The following SLC12A2 variants were observed in gnomAD, a reference collection of about 807,000 sequenced individuals.
SLC12A2 encodes Na-K-2Cl cotransporter 1.
Under a neutral mutation model 136.3 loss-of-function variants are expected in SLC12A2, and 67 were observed. The observed-to-expected ratio is 0.49, with a 90% CI of 0.40 to 0.60. The LOEUF (loss-of-function observed/expected upper bound fraction) is 0.60, where lower values mean the gene tolerates loss of function less well. Ranked by LOEUF, SLC12A2 falls within the 20% of genes least tolerant of loss-of-function variation. The pLI is 0.00. For missense variants in SLC12A2, 1,322 were observed against 1,534.7 expected (o/e 0.86, Z 2.32); for synonymous variants, 619 against 562.9 (o/e 1.10, Z -1.41).
At chr5:128,126,962 AT>A (rs1761822570) in intron 4 of SLC12A2, among the ~76,000 whole-genome samples, 1 of 23,326 alleles carries the variant, frequency 4.3e-5, no homozygotes, top group African/African-American at 3.0e-4. Context: ...ATATATATAT[AT>A]ATATTTTTTT....
intron 1 of SLC12A2, chr5:128,110,908 T>G (rs1761119186): frequency 3.9e-6 from 4 of 1,014,592 alleles, no homozygotes; most frequent in Non-Finnish European, 6.3e-6. Flanking sequence ...GCCGCAAATC[T>G]GAGAGGGCAT....
intron 19 of SLC12A2, among the ~76,000 whole-genome samples, chr5:128,174,258 A>G (rs1763472586): frequency 6.6e-6 from 1 of 152,122 alleles, no homozygotes; most frequent in Non-Finnish European, 1.5e-5. Flanking sequence ...CCAGTTGAGC[A>G]TCTCTGATCC....
intron 1 of SLC12A2, among the ~76,000 whole-genome samples, chr5:128,091,907 A>G (rs573602939): frequency 6.6e-6 from 1 of 152,326 alleles, no homozygotes; most frequent in South Asian, 2.1e-4. Flanking sequence ...TAGGTTCAGA[A>G]TTCTGGAAAC....
chr5:128,118,141 A>C (rs866923445), intron 4 of SLC12A2, among the ~76,000 whole-genome samples: 1 of 152,358 alleles, frequency 6.6e-6, no homozygotes, highest in South Asian at 2.1e-4. Context: ...TAATATAACC[A>C]CTATGTAAAA....
At position 128,110,346 on chromosome 5, in the gene SLC12A2, A is replaced by G. The variant is rs1316934924; in HGVS notation, c.757-2468A>G. 7.4e-6 allele frequency: 7 copies of G among 944,446 alleles called. No homozygotes were observed. In the East Asian group the frequency reaches 1.2e-4, roughly 16 times the overall value. 58.5% of individuals were successfully genotyped at this position (944,446 alleles called of 1,614,324 possible). A position where few individuals can be genotyped will look rare whatever the true frequency, so the allele number is the denominator to read the frequency against. ...AACCATGGGCTGGGTAAGTCTGGAT[A>G]TGATGTCTGTGCAAGCTAACACGGG... On this transcript the variant is annotated intron_variant, in intron 1 of 26. Transcript: ENST00000262461.
intron 21 of SLC12A2, among the ~76,000 whole-genome samples, chr5:128,178,033 C>T (rs994379406): frequency 1.3e-5 from 2 of 152,100 alleles, no homozygotes; most frequent in African/African-American, 4.8e-5. Flanking sequence ...AATGAGAAGT[C>T]TTTCCTTAGA....
intron 10 of SLC12A2, among the ~76,000 whole-genome samples, chr5:128,143,637 C>T (rs892071433): frequency 2.0e-4 from 30 of 151,652 alleles, no homozygotes; most frequent in Admixed American, 5.9e-4. Flanking sequence ...TTTGTTAAGT[C>T]CTAGGATGGT....
intron 10 of SLC12A2, 44 bp downstream of exon 10, chr5:128,142,025 AG>A (rs1193649502): frequency 6.6e-7 from 1 of 1,524,872 alleles, no homozygotes; most frequent in East Asian, 2.3e-5. Flanking sequence ...GTATTTATCT[AG>A]GGGTGAGACT....
Position 128,171,741 on chromosome 5 carries a change from G to A in SLC12A2, c.2798G>A (p.Gly933Glu), listed in dbSNP as rs1281087573. 2 of 1,563,294 alleles carry A rather than the reference G, an allele frequency of 1.3e-6. No individual in the cohort carries two copies. Among genetic ancestry groups the A allele is most frequent in the Non-Finnish European group, 1.7e-6 (2 of 1,157,930 alleles). Residue 933 changes from glycine (G) to glutamate (E), a missense_variant, in exon 19 of 27, where the codon GGA becomes GAA. Physicochemically the swap from Gly to Glu is moderately conservative, Grantham distance 98. Around this residue, in one of 8 missense-constraint regions of SLC12A2, gnomAD observed 226 missense variants for 210.4 expected, o/e 1.07. Transcript: ENST00000262461. ...KEGLDISHLQ[G>E]QEELLSSQEK... ...GGTCTGGATATATCTCATCTTCAAG[G>A]ACAAGGTAAATTTTGTTGGCAATAA...
chr5:128,088,934 C>T (rs758574753), intron 1 of SLC12A2, among the ~76,000 whole-genome samples: 7 of 151,906 alleles, frequency 4.6e-5, no homozygotes, highest in South Asian at 4.2e-4. Flanking sequence ...TTTGGGAGGC[C>T]GAGGCGGGTG....
At chr5:128,157,963 T>C (rs1378790328) in intron 15 of SLC12A2, 90 bp from the exon 16 acceptor site, 1 of 1,024,598 alleles carries the variant, frequency 9.8e-7, no homozygotes, top group Non-Finnish European at 1.5e-6. Context: ...GACAGTTGTA[T>C]ACAGAAAGCT....
In SLC12A2 at chr5:128,095,306, C is replaced by T. The variant is rs147067482; in HGVS notation, c.756+10596C>T. Among the ~76,000 whole-genome samples, 35 of 140,478 alleles carry T rather than the reference C, an allele frequency of 2.5e-4. No individual in the cohort carries two copies. The East Asian group carries it at 6.3e-3, about 25-fold the overall frequency. 92.2% of individuals were successfully genotyped at this position (140,478 alleles called of 152,430 possible). On this transcript the variant is annotated intron_variant, in intron 1 of 26. Coordinates refer to ENST00000262461, the MANE Select transcript of SLC12A2 (RefSeq NM_001046.3). ...TACATATCTGCATTTGGTCTTCAGT[C>T]TCAGGAGTAGGTGGGTTTTTTTAGA...
At chr5:128,085,248 C>A (rs1760055567) in intron 1 of SLC12A2, among the ~76,000 whole-genome samples, 1 of 151,660 alleles carries the variant, frequency 6.6e-6, no homozygotes, top group Admixed American at 6.6e-5. Flanking sequence ...CTTGAATATA[C>A]AAAGGATCAT....
rs148851630 is a variant in SLC12A2, at chr5:128,125,687, T to C, written c.1049-5380T>C. Among the ~76,000 whole-genome samples, 9 of 152,306 alleles carry C rather than the reference T, an allele frequency of 5.9e-5. No individual in the cohort carries two copies. In the East Asian group the frequency reaches 1.7e-3, roughly 29 times the overall value. On this transcript the variant is annotated intron_variant, in intron 4 of 26. Coordinates refer to ENST00000262461, the MANE Select transcript of SLC12A2 (RefSeq NM_001046.3). ...ATGAAGTCCGGTTTCTCTTTTTTTTTATGCTAGTGCTTTGTTCATGGTAGA... is the reference window on the plus strand; with the variant it reads ...ATGAAGTCCGGTTTCTCTTTTTTTTCATGCTAGTGCTTTGTTCATGGTAGA...
intron 1 of SLC12A2, among the ~76,000 whole-genome samples, chr5:128,109,193 A>T (rs1431684960): frequency 6.6e-6 from 1 of 152,264 alleles, no homozygotes; most frequent in South Asian, 2.1e-4. Context: ...TTTTCAAAAA[A>T]TATACTTAAT....
intron 1 of SLC12A2, among the ~76,000 whole-genome samples, chr5:128,096,455 T>A (rs1760540630): frequency 6.6e-6 from 1 of 152,074 alleles, no homozygotes; most frequent in South Asian, 2.1e-4. Context: ...TTTTAGAAAC[T>A]AATGTTATGG....
chr5:128,146,730 G>T (rs183049823), intron 10 of SLC12A2, among the ~76,000 whole-genome samples: 1 of 151,094 alleles, frequency 6.6e-6, no homozygotes, highest in East Asian at 1.9e-4. Context: ...ATATCTTTTC[G>T]CTGGAAATAT....
At chr5:128,110,744 T>G in intron 1 of SLC12A2, 2 of 1,464,372 alleles carry the variant, frequency 1.4e-6, no homozygotes, top group Non-Finnish European at 1.9e-6. Flanking sequence ...AGCGATCTGC[T>G]AGAAAAACTT....
At chr5:128,179,112 T>TA (rs1420480867) in intron 22 of SLC12A2, among the ~76,000 whole-genome samples, 1 of 152,178 alleles carries the variant, frequency 6.6e-6, no homozygotes. Flanking sequence ...AACCATTGAG[T>TA]AATATATGAT....
Sources: allele counts gnomAD v4.1 joint callset (sites outside exome capture counted in the v4.1 genomes callset), GRCh38; gene constraint gnomAD v4.1.1; regional missense constraint gnomAD v4.1.1; transcripts MANE v1.5; gene names NCBI Gene and HGNC (gene_info 2026-07-23, HGNC 2026-07-21).